SGCZ: variants seen among roughly 807,000 people sequenced by gnomAD.
SGCZ encodes sarcoglycan zeta.
Under a neutral mutation model 41.3 loss-of-function variants are expected in SGCZ, and 40 were observed. The ratio of observed to expected loss-of-function variants is 0.97; its 90% CI spans 0.75 to 1.26. SGCZ has a LOEUF of 1.26. Ranked by LOEUF, SGCZ falls within the 50% of genes most tolerant of loss-of-function variation. The pLI, the probability that SGCZ is intolerant of heterozygous loss-of-function variation, is 0.00. For synonymous variants in SGCZ, 206 were observed against 137.5 expected, an observed-to-expected ratio of 1.50 and a Z score of -3.49; for missense variants, 552 against 369.8, an observed-to-expected ratio of 1.49 and a Z score of -4.04.
At chr8:14,695,877 T>C (rs780573495) in intron 1 of SGCZ, among the ~76,000 whole-genome samples, 3 of 151,946 alleles carry the variant, frequency 2.0e-5, no homozygotes, top group African/African-American at 7.3e-5. Context: ...ATAAAGAACA[T>C]AGTTAATGAG....
chr8:15,050,709 G>T (rs1563468369), intron 1 of SGCZ, among the ~76,000 whole-genome samples: 1 of 152,136 alleles, frequency 6.6e-6, no homozygotes, highest in Non-Finnish European at 1.5e-5. Flanking sequence ...AATTGATAGT[G>T]AATTGAAGCT....
At chr8:15,113,895 C>G (rs960211594) in intron 1 of SGCZ, among the ~76,000 whole-genome samples, 1 of 152,166 alleles carries the variant, frequency 6.6e-6, no homozygotes, top group African/African-American at 2.4e-5. Context: ...TTTGTTCCAT[C>G]ATAGAAAGCA....
At chr8:14,902,091 C>T (rs1209194373) in intron 1 of SGCZ, among the ~76,000 whole-genome samples, 1 of 152,088 alleles carries the variant, frequency 6.6e-6, no homozygotes, top group Non-Finnish European at 1.5e-5. Context: ...AATGCCTACA[C>T]TCAAATTTGG....
chr8:14,433,275 A>T (rs914240013), intron 2 of SGCZ, among the ~76,000 whole-genome samples: 9 of 152,152 alleles, frequency 5.9e-5, no homozygotes, highest in Admixed American at 6.5e-5. Flanking sequence ...TAAACAATAC[A>T]ATTGTTTTAT....
rs181693882 is a variant in SGCZ, at chr8:14,575,015, A to G, written c.40-20089T>C. On this transcript the variant is annotated intron_variant, in intron 1 of 7. Transcript: ENST00000382080. ...TGGTTTGTGATTATATTTACAGAAA[A>G]TAATTTTGTTTTCTCAGAATATAGT... is the stretch of plus-strand genomic sequence containing the variant. 6.0e-4 allele frequency among the ~76,000 whole-genome samples: 91 copies of G among 152,360 alleles called. 1 individual carries two copies. The highest frequency in any genetic ancestry group is 1.1e-3 in the Admixed American group (17 of 15,300).
intron 2 of SGCZ, among the ~76,000 whole-genome samples, chr8:14,403,115 C>A (rs1208712614): frequency 6.7e-6 from 1 of 149,972 alleles, no homozygotes; most frequent in Non-Finnish European, 1.5e-5. Flanking sequence ...TATAAGAATG[C>A]TTGTGATTTT....
chr8:15,095,368 G>C (rs1806307393), intron 1 of SGCZ, among the ~76,000 whole-genome samples: 1 of 152,050 alleles, frequency 6.6e-6, no homozygotes, highest in Admixed American at 6.5e-5. Flanking sequence ...CAAAGTGCTG[G>C]GATTACAGGC....
chr8:15,216,232 T>TC (rs1801397195), intron 1 of SGCZ, among the ~76,000 whole-genome samples: 1 of 148,722 alleles, frequency 6.7e-6, no homozygotes, highest in South Asian at 2.1e-4. Flanking sequence ...TCTTTTTTTT[T>TC]TTTTTTTGAG....
At chr8:14,275,881 C>G (rs896422072) in intron 3 of SGCZ, among the ~76,000 whole-genome samples, 2 of 152,148 alleles carry the variant, frequency 1.3e-5, no homozygotes, top group African/African-American at 2.4e-5. Flanking sequence ...GAAGACAGAT[C>G]CAGGGTAAAC....
At chr8:15,188,571 T>G (rs912547957) in intron 1 of SGCZ, among the ~76,000 whole-genome samples, 1 of 152,130 alleles carries the variant, frequency 6.6e-6, no homozygotes, top group Non-Finnish European at 1.5e-5. Context: ...CTACAAAGAA[T>G]CTCTCTAAAT....
chr8:14,759,071 C>A (rs1799774155), intron 1 of SGCZ, among the ~76,000 whole-genome samples: 1 of 151,396 alleles, frequency 6.6e-6, no homozygotes, highest in South Asian at 2.1e-4. Context: ...ACTTAAAATG[C>A]AACTGTATGG....
At chr8:14,880,111 G>A (rs1191913833) in intron 1 of SGCZ, among the ~76,000 whole-genome samples, 1 of 152,092 alleles carries the variant, frequency 6.6e-6, no homozygotes, top group East Asian at 1.9e-4. Context: ...AAAGTGCTGG[G>A]AATACAGGCA....
At chr8:14,587,423 G>C (rs1805095590) in intron 1 of SGCZ, among the ~76,000 whole-genome samples, 1 of 150,896 alleles carries the variant, frequency 6.6e-6, no homozygotes, top group Non-Finnish European at 1.5e-5. Context: ...TGTAATTCCA[G>C]TACTTTGGGA....
intron 1 of SGCZ, among the ~76,000 whole-genome samples, chr8:15,140,831 A>C (rs1585605582): frequency 6.6e-6 from 1 of 152,200 alleles, no homozygotes; most frequent in Non-Finnish European, 1.5e-5. Flanking sequence ...TCTTCTCATG[A>C]GAACCTCAGT....
At chr8:14,100,476 G>T (rs13250996) in intron 7 of SGCZ, among the ~76,000 whole-genome samples, 1 of 148,602 alleles carries the variant, frequency 6.7e-6, no homozygotes, top group Non-Finnish European at 1.5e-5. Context: ...AAGTATTGTA[G>T]TCTACAACTG....
chr8:14,606,329 C>CT (rs34499037), intron 1 of SGCZ, among the ~76,000 whole-genome samples: 23,957 of 152,010 alleles, frequency 0.16, 2,307 homozygotes, highest in Non-Finnish European at 0.21. Flanking sequence ...TATTTGGTTC[C>CT]TAAACCTCCT....
intron 1 of SGCZ, among the ~76,000 whole-genome samples, chr8:15,130,206 T>A (rs565859517): frequency 3.9e-5 from 6 of 152,120 alleles, no homozygotes; most frequent in Admixed American, 6.5e-5. Flanking sequence ...CCTGGCGAGC[T>A]GCAAAAACTG....
Position 14,928,032 on chromosome 8 carries a change from G to C in SGCZ, c.39+309553C>G, listed in dbSNP as rs993676396. On this transcript the variant is annotated intron_variant, in intron 1 of 7. Transcript: ENST00000382080. ...CTCCAGATTCTTGAGTGTTTGTCCAGCATCTGCCAGAGGCCTCTGCCTTTA... is the reference window on the plus strand; with the variant it reads ...CTCCAGATTCTTGAGTGTTTGTCCACCATCTGCCAGAGGCCTCTGCCTTTA... Among the ~76,000 whole-genome samples the C allele has an allele frequency of 2.0e-5, 3 of 152,162 alleles. No homozygotes were observed. The East Asian group carries it at 5.8e-4, about 29-fold the overall frequency.
At chr8:15,058,625 G>C (rs1280947314) in intron 1 of SGCZ, among the ~76,000 whole-genome samples, 1 of 152,072 alleles carries the variant, frequency 6.6e-6, no homozygotes, top group Non-Finnish European at 1.5e-5. Context: ...TAATCTCTTT[G>C]GCTTTCCCCT....
Sources: gnomAD v4.1 joint callset for allele counts (sites outside exome capture counted in the v4.1 genomes callset) on GRCh38, gnomAD v4.1.1 for gene constraint, MANE v1.5 for transcripts, NCBI Gene and HGNC (gene_info 2026-07-23, HGNC 2026-07-21) for gene names.